BMPER: variants seen among roughly 807,000 people sequenced by gnomAD.
BMPER encodes the protein BMP binding endothelial regulator.
A neutral mutation model predicts 87.3 loss-of-function variants in BMPER; 45 were observed. That is an observed-to-expected ratio of 0.52 (90% CI 0.41 to 0.66). The LOEUF (loss-of-function observed/expected upper bound fraction) is 0.66, where lower values mean the gene tolerates loss of function less well. BMPER is among the 30% of genes least tolerant of loss of function. The pLI is 0.00. For missense variants in BMPER, 784 were observed against 867.5 expected (o/e 0.90, Z 1.21); for synonymous variants, 326 against 316.2 (o/e 1.03, Z -0.33).
intron 2 of BMPER, among the ~76,000 whole-genome samples, chr7:33,929,504 T>C (rs2128606971): frequency 6.6e-6 from 1 of 152,278 alleles, no homozygotes; most frequent in South Asian, 2.1e-4. Flanking sequence ...AATGAAACCA[T>C]AAAGCACCAA....
intron 6 of BMPER, among the ~76,000 whole-genome samples, chr7:34,011,644 T>G (rs905826739): frequency 1.3e-5 from 2 of 149,308 alleles, no homozygotes; most frequent in African/African-American, 2.5e-5. Flanking sequence ...GAAAGCAAAT[T>G]TACACTGTAC....
At chr7:34,026,269 G>A (rs1008448331) in intron 6 of BMPER, among the ~76,000 whole-genome samples, 5 of 151,934 alleles carry the variant, frequency 3.3e-5, no homozygotes, top group African/African-American at 1.2e-4. Context: ...ACAGTCAGGG[G>A]GATGAGGCAA....
At chr7:34,038,399 C>T (rs564934837) in intron 6 of BMPER, among the ~76,000 whole-genome samples, 1 of 152,316 alleles carries the variant, frequency 6.6e-6, no homozygotes, top group South Asian at 2.1e-4. Flanking sequence ...ACAGATTCTT[C>T]TCTAGAGCCT....
upstream of BMPER, chr7:33,905,038 G>T (rs939228345): frequency 6.3e-6 from 1 of 158,684 alleles, no homozygotes; most frequent in Non-Finnish European, 1.4e-5. Flanking sequence ...TCCCTCCTGC[G>T]CCCGGGCGCC....
intron 3 of BMPER, among the ~76,000 whole-genome samples, chr7:33,947,076 A>C (rs1427716782): frequency 6.6e-6 from 1 of 152,222 alleles, no homozygotes; most frequent in Non-Finnish European, 1.5e-5. Context: ...TAATAATTAT[A>C]CATTTTTATC....
chr7:33,925,525 G>C (rs1267803259), intron 2 of BMPER, among the ~76,000 whole-genome samples: 1 of 152,124 alleles, frequency 6.6e-6, no homozygotes, highest in African/African-American at 2.4e-5. Context: ...TACCACTCAT[G>C]GTGGACTTGG....
At chr7:34,065,254 C>T (rs1788556627) in intron 11 of BMPER, among the ~76,000 whole-genome samples, 2 of 150,548 alleles carry the variant, frequency 1.3e-5, no homozygotes, top group African/African-American at 5.0e-5. Flanking sequence ...CTCTCCCTCT[C>T]TCTCTCTCTC....
intron 12 of BMPER, 67 bp downstream of exon 12, chr7:34,079,253 C>T (rs1788950301): frequency 2.1e-5 from 33 of 1,591,132 alleles, no homozygotes; most frequent in Admixed American, 1.3e-4. Context: ...CAGCACTGCT[C>T]GGTTAGAGCA....
intron 13 of BMPER, among the ~76,000 whole-genome samples, chr7:34,116,805 C>G (rs548190681): frequency 1.3e-5 from 2 of 152,208 alleles, no homozygotes; most frequent in Admixed American, 1.3e-4. Flanking sequence ...GCCTGGCCAA[C>G]ATGGCAAAAT....
chr7:34,017,268 A>G (rs1787050508), intron 6 of BMPER, among the ~76,000 whole-genome samples: 1 of 151,850 alleles, frequency 6.6e-6, no homozygotes, highest in African/African-American at 2.4e-5. Flanking sequence ...GTTATGAATC[A>G]CGATGCTAAT....
At chr7:33,915,460 C>T (rs1478489605) in intron 2 of BMPER, among the ~76,000 whole-genome samples, 1 of 152,078 alleles carries the variant, frequency 6.6e-6, no homozygotes, top group Non-Finnish European at 1.5e-5. Context: ...ATGTTTAAAG[C>T]CCATTTTGTC....
intron 6 of BMPER, among the ~76,000 whole-genome samples, chr7:33,995,389 T>G (rs549848169): frequency 6.6e-6 from 1 of 152,192 alleles, no homozygotes; most frequent in East Asian, 1.9e-4. Context: ...GCTTTCCTTT[T>G]CCTCCTGAAG....
chr7:34,044,330 C>A (rs1363549802), intron 6 of BMPER, among the ~76,000 whole-genome samples: 1 of 152,144 alleles, frequency 6.6e-6, no homozygotes, highest in East Asian at 1.9e-4. Context: ...TTAAAATATG[C>A]TTGAAAAATA....
chr7:34,102,810 A>G (rs934995639), intron 13 of BMPER, among the ~76,000 whole-genome samples: 7 of 152,130 alleles, frequency 4.6e-5, no homozygotes, highest in Admixed American at 3.3e-4. Flanking sequence ...ATGAATAACA[A>G]TAAGCAGACA....
At chr7:34,012,511 G>A (rs1049432782) in intron 6 of BMPER, among the ~76,000 whole-genome samples, 1 of 151,832 alleles carries the variant, frequency 6.6e-6, no homozygotes, top group Non-Finnish European at 1.5e-5. Context: ...AAGATATTTA[G>A]TAATTCCTGT....
intron 3 of BMPER, among the ~76,000 whole-genome samples, chr7:33,961,672 A>G (rs1785274812): frequency 1.3e-5 from 2 of 152,220 alleles, no homozygotes; most frequent in African/African-American, 4.8e-5. Flanking sequence ...GCTCCAGACA[A>G]TAACGACTGA....
chr7:33,979,349 C>G (rs1035477301), intron 6 of BMPER, among the ~76,000 whole-genome samples: 3 of 151,414 alleles, frequency 2.0e-5, no homozygotes, highest in Middle Eastern at 3.4e-3. Flanking sequence ...CACCACCCCC[C>G]TGCAACTCCC....
At chr7:33,993,489 C>T (rs1442151599) in intron 6 of BMPER, among the ~76,000 whole-genome samples, 2 of 150,346 alleles carry the variant, frequency 1.3e-5, no homozygotes, top group African/African-American at 4.9e-5. Context: ...AAGCACTTCT[C>T]TGTATTGGTT....
At chr7:34,031,783 T>G (rs980648087) in intron 6 of BMPER, among the ~76,000 whole-genome samples, 12 of 150,900 alleles carry the variant, frequency 8.0e-5, no homozygotes, top group Admixed American at 5.3e-4. Flanking sequence ...AAAATAGCAT[T>G]GTTTAGAGAT....
Sources: gnomAD v4.1 joint callset for allele counts (sites outside exome capture counted in the v4.1 genomes callset) on GRCh38, gnomAD v4.1.1 for gene constraint, MANE v1.5 for transcripts, NCBI Gene and HGNC (gene_info 2026-07-23, HGNC 2026-07-21) for gene names.